Variants in NCAM2 observed in about 807,000 individuals in gnomAD.
NCAM2 encodes the protein neural cell adhesion molecule 2, also known as N-CAM-2.
NCAM2 carries 30 observed loss-of-function variants against 98.1 expected under a neutral mutation model. The observed-to-expected ratio is 0.31, with a 90% CI of 0.23 to 0.41. The LOEUF (loss-of-function observed/expected upper bound fraction) is 0.41, where lower values mean the gene tolerates loss of function less well. Ranked by LOEUF, NCAM2 falls within the 10% of genes least tolerant of loss-of-function variation. NCAM2 has a pLI of 1.00. For missense variants in NCAM2, 867 were observed against 1,005.8 expected (o/e 0.86, Z 1.87); for synonymous variants, 368 against 342.4 (o/e 1.07, Z -0.83).
chr21:21,338,671 A>C (rs1438029306), intron 8 of NCAM2, 137 bp downstream of exon 8: 1 of 891,914 alleles, frequency 1.1e-6, no homozygotes, highest in East Asian at 2.9e-5. Flanking sequence ...TTAAAAAGGT[A>C]ACTAACACAA....
chr21:21,228,861 A>G (rs2070500435), intron 1 of NCAM2, among the ~76,000 whole-genome samples: 2 of 151,524 alleles, frequency 1.3e-5, no homozygotes, highest in African/African-American at 4.8e-5. Flanking sequence ...AAAACATTGT[A>G]TCTTAATACT....
intron 1 of NCAM2, among the ~76,000 whole-genome samples, chr21:21,138,946 A>G (rs1158892986): frequency 6.6e-6 from 1 of 152,198 alleles, no homozygotes; most frequent in African/African-American, 2.4e-5. Context: ...ATGATAAATA[A>G]TAGTTATATA....
At chr21:21,283,738 A>G (rs1019708912) in intron 2 of NCAM2, among the ~76,000 whole-genome samples, 3 of 152,048 alleles carry the variant, frequency 2.0e-5, no homozygotes, top group East Asian at 3.9e-4. Context: ...TGTAAGCTCG[A>G]CATTTTCAGA....
At chr21:21,128,984 C>T (rs922800185) in intron 1 of NCAM2, among the ~76,000 whole-genome samples, 6 of 152,064 alleles carry the variant, frequency 3.9e-5, no homozygotes, top group African/African-American at 1.2e-4. Flanking sequence ...TGAGTTAAAA[C>T]GACAGCAAAC....
Position 21,211,783 on chromosome 21 carries a change from A to G in NCAM2, c.56-68795A>G, listed in dbSNP as rs535806097. ...GGAATATTAACTTCCTTTGTTCCTT[A>G]TCTCCTATGGTAGAAATATACTGTC... is the stretch of plus-strand genomic sequence containing the variant. On this transcript the variant is annotated intron_variant, in intron 1 of 17. Transcript: ENST00000400546. 3.3e-5 allele frequency among the ~76,000 whole-genome samples: 5 copies of G among 152,162 alleles called. No individual in the cohort carries two copies. The South Asian group carries it at 1.0e-3, about 32-fold the overall frequency.
At chr21:21,199,594 A>C (rs953100089) in intron 1 of NCAM2, among the ~76,000 whole-genome samples, 1 of 152,216 alleles carries the variant, frequency 6.6e-6, no homozygotes, top group African/African-American at 2.4e-5. Flanking sequence ...TAGTGATCTC[A>C]TTCAGACTAT....
At chr21:21,356,017 G>A (rs962000114) in intron 8 of NCAM2, among the ~76,000 whole-genome samples, 6 of 152,036 alleles carry the variant, frequency 3.9e-5, no homozygotes, top group Admixed American at 6.6e-5. Context: ...TGCTGTTTCC[G>A]TAGTGTAGAA....
At chr21:21,419,395 A>G (rs1280443643) in intron 11 of NCAM2, among the ~76,000 whole-genome samples, 3 of 139,158 alleles carry the variant, frequency 2.2e-5, no homozygotes, top group Non-Finnish European at 4.5e-5. Context: ...GTTTTAGGGT[A>G]CATGTACACA....
intron 1 of NCAM2, among the ~76,000 whole-genome samples, chr21:21,082,288 A>AAAC (rs1555882223): frequency 1.3e-5 from 2 of 150,140 alleles, no homozygotes; most frequent in African/African-American, 4.9e-5. Flanking sequence ...AAACAAAAAA[A>AAAC]AAAAAACAAA....
chr21:21,436,704 C>T (rs556324422), intron 12 of NCAM2, among the ~76,000 whole-genome samples: 19 of 151,002 alleles, frequency 1.3e-4, no homozygotes, highest in African/African-American at 4.6e-4. Flanking sequence ...CTGACTGGGT[C>T]TTAAGTGAAT....
chr21:21,286,087 C>T (rs979196449), intron 3 of NCAM2, among the ~76,000 whole-genome samples, 182 bp from the exon 4 acceptor site: 14 of 151,826 alleles, frequency 9.2e-5, no homozygotes, highest in Non-Finnish European at 1.6e-4. Flanking sequence ...GGATTTTATT[C>T]TCAGTGAGAT....
chr21:21,281,844 C>A (rs991304607), intron 2 of NCAM2, among the ~76,000 whole-genome samples: 19 of 151,048 alleles, frequency 1.3e-4, no homozygotes, highest in Non-Finnish European at 2.8e-4. Flanking sequence ...TTTATTTAAA[C>A]CAAGATTCAA....
rs191590621 is a variant in NCAM2 at position 21,097,110 on chromosome 21, G to A, written c.55+98492G>A. ...ATTATACGTTTTTGGTAAACATCAC[G>A]TGGGTTTTTCACTGGGAAACAAAGA... On this transcript the variant is annotated intron_variant, in intron 1 of 17. Transcript: ENST00000400546. 3.3e-5 allele frequency among the ~76,000 whole-genome samples: 5 copies of A among 151,726 alleles called. No individual in the cohort carries two copies. The South Asian group carries it at 8.3e-4, about 25-fold the overall frequency.
chr21:21,404,364 T>C (rs2076693941), intron 9 of NCAM2, among the ~76,000 whole-genome samples: 1 of 152,094 alleles, frequency 6.6e-6, no homozygotes, highest in African/African-American at 2.4e-5. Context: ...CAGCAGAGCA[T>C]AATTGAATCA....
At chr21:21,344,779 G>A (rs900425496) in intron 8 of NCAM2, among the ~76,000 whole-genome samples, 16 of 152,270 alleles carry the variant, frequency 1.1e-4, no homozygotes, top group East Asian at 1.9e-4. Context: ...AGCCTTGAGC[G>A]AGCATAGGCA....
At chr21:21,068,374 T>C (rs1225946363) in intron 1 of NCAM2, among the ~76,000 whole-genome samples, 1 of 151,668 alleles carries the variant, frequency 6.6e-6, no homozygotes, top group Non-Finnish European at 1.5e-5. Flanking sequence ...CCTCAGGTGA[T>C]CCGCCTGCCT....
intron 16 of NCAM2, among the ~76,000 whole-genome samples, chr21:21,521,842 A>T (rs1989034090): frequency 6.6e-6 from 1 of 151,940 alleles, no homozygotes; most frequent in African/African-American, 2.4e-5. Flanking sequence ...GGGAGAAATA[A>T]ACAGAAGAAA....
intron 1 of NCAM2, among the ~76,000 whole-genome samples, chr21:21,080,996 T>C (rs1396945071): frequency 6.6e-6 from 1 of 152,122 alleles, no homozygotes; most frequent in Non-Finnish European, 1.5e-5. Flanking sequence ...AGAGATCAAG[T>C]GCACGGTTTG....
At chr21:21,363,432 A>G (rs901201424) in intron 8 of NCAM2, among the ~76,000 whole-genome samples, 1 of 152,146 alleles carries the variant, frequency 6.6e-6, no homozygotes, top group Non-Finnish European at 1.5e-5. Context: ...ATAAATACTC[A>G]ACACTTTTCA....
Sources: allele counts gnomAD v4.1 joint callset (sites outside exome capture counted in the v4.1 genomes callset), GRCh38; gene constraint gnomAD v4.1.1; transcripts MANE v1.5; gene names NCBI Gene and HGNC (gene_info 2026-07-23, HGNC 2026-07-21).